The following LAYN variants were observed in gnomAD, a reference collection of about 807,000 sequenced individuals.
The protein encoded by LAYN is layilin.
A neutral mutation model predicts 43.6 loss-of-function variants in LAYN; 38 were observed. That is an observed-to-expected ratio of 0.87 (90% CI 0.67 to 1.14). LAYN has a LOEUF of 1.14. LAYN is among the 50% of genes most tolerant of loss of function. The probability of loss-of-function intolerance (pLI) is 0.00; values close to 1 mark genes in which losing one functional copy is unlikely to be tolerated. For missense variants in LAYN, 479 were observed against 463.8 expected (o/e 1.03, Z -0.30); for synonymous variants, 168 against 172.9 (o/e 0.97, Z 0.22).
At chr11:111,554,883 A>C (rs1867807613) in intron 4 of LAYN, among the ~76,000 whole-genome samples, 1 of 152,250 alleles carries the variant, frequency 6.6e-6, no homozygotes, top group African/African-American at 2.4e-5. Flanking sequence ...GACCAAAAAA[A>C]ATGAGCCAAA....
chr11:111,547,265 G>A (rs567435631), intron 2 of LAYN, among the ~76,000 whole-genome samples: 1 of 152,288 alleles, frequency 6.6e-6, no homozygotes, highest in South Asian at 2.1e-4. Context: ...TGAAGTGGTA[G>A]GCTCCTGAAT....
At position 111,542,835 on chromosome 11, in the gene LAYN, G is replaced by A. The variant is rs938639343; in HGVS notation, c.86-1088G>A. On this transcript the variant is annotated intron_variant, in intron 1 of 6. Transcript: ENST00000375614. The stretch of plus-strand genomic sequence containing the variant: ...TTTGTTCCTGTATTCCCAGCACCTC[G>A]CACAGTGCCAGGCACAAAGTGTACA... Among the ~76,000 whole-genome samples the A allele has an allele frequency of 2.2e-4, 33 of 152,194 alleles. 1 individual carries two copies. Among genetic ancestry groups the A allele is most frequent in the Admixed American group, 1.8e-3 (28 of 15,282 alleles).
intron 3 of LAYN, among the ~76,000 whole-genome samples, chr11:111,550,203 G>A (rs926153659): frequency 1.3e-5 from 2 of 152,190 alleles, no homozygotes. Context: ...AAGGAAGCAC[G>A]ATACATATGT....
intron 1 of LAYN, 79 bp downstream of exon 1, chr11:111,541,007 T>G: frequency 7.4e-7 from 1 of 1,354,884 alleles, no homozygotes; most frequent in Non-Finnish European, 1.0e-6. Context: ...CTCTTCTGGG[T>G]CGCCACGTAT....
At chr11:111,542,683 A>G (rs1309759715) in intron 1 of LAYN, among the ~76,000 whole-genome samples, 2 of 152,150 alleles carry the variant, frequency 1.3e-5, no homozygotes, top group Non-Finnish European at 2.9e-5. Context: ...AGCAGTTCGC[A>G]CCCACAGCCC....
chr11:111,557,396 G>A (rs1318191695), intron 5 of LAYN, 145 bp from the exon 6 acceptor site: 2 of 681,746 alleles, frequency 2.9e-6, no homozygotes, highest in Non-Finnish European at 5.1e-6. Context: ...CTTTTCCTTT[G>A]TTTTGTTTTT....
chr11:111,541,353 GAGAC>G (rs1867534172), intron 1 of LAYN: 4 of 612,854 alleles, frequency 6.5e-6, no homozygotes. Flanking sequence ...GGCGGCCGCA[GAGAC>G]AGCGGGGTAG....
At chr11:111,559,233 G>A (rs1348288458) in intron 6 of LAYN, among the ~76,000 whole-genome samples, 1 of 152,060 alleles carries the variant, frequency 6.6e-6, no homozygotes, top group African/African-American at 2.4e-5. Context: ...TTTATTTAGT[G>A]CTGGGTATAA....
At chr11:111,555,597 A>T (rs1404167835) in intron 5 of LAYN, among the ~76,000 whole-genome samples, 1 of 152,254 alleles carries the variant, frequency 6.6e-6, no homozygotes, top group Non-Finnish European at 1.5e-5. Flanking sequence ...GAGAAAATGT[A>T]GAGAAATAAG....
chr11:111,543,861 C>T (rs1867592690), intron 1 of LAYN, 62 bp from the exon 2 acceptor site: 3 of 1,491,740 alleles, frequency 2.0e-6, no homozygotes, highest in South Asian at 1.3e-5. Context: ...GATGCCTCCA[C>T]GTATCCCTGC....
chr11:111,540,322 T>C (rs1867505093), upstream of LAYN: 1 of 158,966 alleles, frequency 6.3e-6, no homozygotes, highest in Admixed American at 6.5e-5. Flanking sequence ...GACTGCGGCC[T>C]GCTGAGCCCC....
chr11:111,542,010 GC>G (rs1565261327), intron 1 of LAYN, among the ~76,000 whole-genome samples: 1 of 152,198 alleles, frequency 6.6e-6, no homozygotes, highest in African/African-American at 2.4e-5. Flanking sequence ...GTGTGGCCAG[GC>G]TGGACCATAC....
chr11:111,540,673 G>A, upstream of LAYN: 1 of 581,940 alleles, frequency 1.7e-6, no homozygotes, highest in South Asian at 2.4e-5. Flanking sequence ...ACGTCCCAGG[G>A]GGCGGAGGGG....
At position 111,560,755 on chromosome 11, in the gene LAYN, T is replaced by C; in HGVS notation, c.*297T>C. 3.1e-6 allele frequency: 1 copy of C among 319,546 alleles called. No individual in the cohort carries two copies. The highest frequency in any genetic ancestry group is 5.8e-6 in the Non-Finnish European group (1 of 171,820). 19.8% of individuals were successfully genotyped at this position (319,546 alleles called of 1,614,324 possible). ...ATCTAACTTTTAAGGGACAGAGCTTTACCTGGCAGTGATAAAGATGGGCTG... is the reference window on the plus strand; with the variant it reads ...ATCTAACTTTTAAGGGACAGAGCTTCACCTGGCAGTGATAAAGATGGGCTG... On this transcript the variant is annotated 3_prime_UTR_variant, in exon 7 of 7. Transcript: ENST00000375614.
At chr11:111,543,077 C>A (rs1251932350) in intron 1 of LAYN, among the ~76,000 whole-genome samples, 1 of 152,110 alleles carries the variant, frequency 6.6e-6, no homozygotes, top group African/African-American at 2.4e-5. Flanking sequence ...AAAACATGAG[C>A]CTGGGGTGCA....
At chr11:111,542,674 G>T (rs1300764134) in intron 1 of LAYN, among the ~76,000 whole-genome samples, 2 of 152,230 alleles carry the variant, frequency 1.3e-5, no homozygotes, top group African/African-American at 4.8e-5. Flanking sequence ...CACTGTGGCA[G>T]CAGTTCGCAC....
At chr11:111,541,921 G>A (rs1483314809) in intron 1 of LAYN, among the ~76,000 whole-genome samples, 1 of 152,106 alleles carries the variant, frequency 6.6e-6, no homozygotes, top group African/African-American at 2.4e-5. Flanking sequence ...GACACTTCCT[G>A]AAGGCAGGAG....
At chr11:111,557,385 C>G (rs1867865445) in intron 5 of LAYN, among the ~76,000 whole-genome samples, 156 bp from the exon 6 acceptor site, 1 of 152,044 alleles carries the variant, frequency 6.6e-6, no homozygotes, top group Non-Finnish European at 1.5e-5. Context: ...TGTTGATTAG[C>G]CTTTTCCTTT....
At chr11:111,555,512 G>A (rs1867822192) in intron 5 of LAYN, among the ~76,000 whole-genome samples, 1 of 152,180 alleles carries the variant, frequency 6.6e-6, no homozygotes, top group Non-Finnish European at 1.5e-5. Context: ...GACAGCAGGT[G>A]AAAAATTTGC....
Sources: gnomAD v4.1 joint callset for allele counts (sites outside exome capture counted in the v4.1 genomes callset) on GRCh38, gnomAD v4.1.1 for gene constraint, MANE v1.5 for transcripts, NCBI Gene and HGNC (gene_info 2026-07-23, HGNC 2026-07-21) for gene names.